PLS3: variants seen among roughly 807,000 people sequenced by gnomAD.
PLS3 encodes the protein plastin 3.
In PLS3, 11 loss-of-function variants were observed where a neutral mutation model predicts 46.5. That is an observed-to-expected ratio of 0.24 (90% CI 0.15 to 0.39). The LOEUF (loss-of-function observed/expected upper bound fraction) is 0.39, where lower values mean the gene tolerates loss of function less well. Ranked by LOEUF, PLS3 falls within the 10% of genes least tolerant of loss-of-function variation. The pLI is 1.00. For missense variants in PLS3, 308 were observed against 461.8 expected, an observed-to-expected ratio of 0.67 and a Z score of 3.05; for synonymous variants, 167 against 162.2, an observed-to-expected ratio of 1.03 and a Z score of -0.22.
At chrX:115,583,872 T>A (rs1288656681) in intron 1 of PLS3, among the ~76,000 whole-genome samples, 1 of 111,597 alleles carries the variant, frequency 9.0e-6, no homozygotes, top group Non-Finnish European at 1.9e-5. Flanking sequence ...TTCTTTTTTT[T>A]TGGGGGAGGG....
In PLS3 at chrX:115,643,306, T is replaced by C. The variant is rs782620916; in HGVS notation, c.988-7T>C. The C allele has an allele frequency of 7.7e-6, 9 of 1,162,893 alleles. No homozygotes were observed. Among genetic ancestry groups the C allele is most frequent in the African/African-American group, 1.8e-5 (1 of 56,632 alleles). ...TTTGACAAAGTCTTCCGATTTTGTT[T>C]CAACAGGAAACAGATGATTTGAAGA... On this transcript the variant is annotated splice_polypyrimidine_tract_variant and splice_region_variant and intron_variant, in intron 9 of 15. Transcript: ENST00000355899.
chrX:115,623,739 G>C lies in PLS3; in HGVS notation c.237+1330G>C, dbSNP rs1323809806. ...AGCGCTCCTATCCTCCTTTGTCATGGTTTATTTTTCCCCAAGACAACTGAA... is the reference window on the plus strand; with the variant it reads ...AGCGCTCCTATCCTCCTTTGTCATGCTTTATTTTTCCCCAAGACAACTGAA... On this transcript the variant is annotated intron_variant, in intron 3 of 15. Coordinates refer to ENST00000355899, the MANE Select transcript of PLS3 (RefSeq NM_005032.7). 2.7e-5 allele frequency among the ~76,000 whole-genome samples: 3 copies of C among 111,038 alleles called. No homozygotes were observed. In the East Asian group the frequency reaches 8.5e-4, roughly 31 times the overall value.
At chrX:115,575,414 G>C (rs1339919277) in intron 1 of PLS3, among the ~76,000 whole-genome samples, 1 of 110,817 alleles carries the variant, frequency 9.0e-6, no homozygotes, top group Non-Finnish European at 1.9e-5. Context: ...CTTTGATTAA[G>C]CACTACCGAT....
intron 2 of PLS3, among the ~76,000 whole-genome samples, chrX:115,618,746 G>T (rs1256488858): frequency 9.0e-6 from 1 of 110,787 alleles, no homozygotes; most frequent in Non-Finnish European, 1.9e-5. Flanking sequence ...AAATACAGAA[G>T]TTGGCCAGGC....
At chrX:115,618,625 G>T (rs2074619549) in intron 2 of PLS3, among the ~76,000 whole-genome samples, 1 of 110,416 alleles carries the variant, frequency 9.1e-6, no homozygotes, top group South Asian at 3.9e-4. Flanking sequence ...GCTGAGCTTG[G>T]TGACTTATGC....
chrX:115,575,545 G>C (rs1235445274), intron 1 of PLS3, among the ~76,000 whole-genome samples: 2 of 111,747 alleles, frequency 1.8e-5, no homozygotes, highest in African/African-American at 6.5e-5. Flanking sequence ...CCGGGTTCAC[G>C]CCATTCTCCT....
chrX:115,580,169 C>A (rs782537700), intron 1 of PLS3, among the ~76,000 whole-genome samples: 1 of 112,295 alleles, frequency 8.9e-6, no homozygotes. Context: ...ATCTTCTGAA[C>A]AGAATCTTTC....
chrX:115,609,715 A>G (rs1045450557), intron 1 of PLS3, among the ~76,000 whole-genome samples: 15 of 112,704 alleles, frequency 1.3e-4, no homozygotes, highest in African/African-American at 4.2e-4. Context: ...TGTGTATATT[A>G]GCACACATGT....
At chrX:115,618,315 T>C (rs1439370449) in intron 2 of PLS3, among the ~76,000 whole-genome samples, 1 of 112,237 alleles carries the variant, frequency 8.9e-6, no homozygotes, top group Non-Finnish European at 1.9e-5. Flanking sequence ...CAGTGGCTCA[T>C]ACCTGTAATC....
At chrX:115,578,367 T>C (rs916373195) in intron 1 of PLS3, among the ~76,000 whole-genome samples, 9 of 111,920 alleles carry the variant, frequency 8.0e-5, no homozygotes, top group African/African-American at 2.6e-4. Flanking sequence ...TCAAACACTC[T>C]AGTGGAGTCA....
At chrX:115,575,923 T>G (rs2074245950) in intron 1 of PLS3, among the ~76,000 whole-genome samples, 1 of 112,127 alleles carries the variant, frequency 8.9e-6, no homozygotes, top group Non-Finnish European at 1.9e-5. Context: ...CAGTTTTGTT[T>G]AATCACATTT....
chrX:115,641,623 A>G (rs2074897369), intron 9 of PLS3, among the ~76,000 whole-genome samples: 1 of 111,151 alleles, frequency 9.0e-6, no homozygotes, highest in Non-Finnish European at 1.9e-5. Context: ...AAAACTCTTC[A>G]GCTCAGGTCA....
chrX:115,601,461 TAAA>T (rs113779727), intron 1 of PLS3, among the ~76,000 whole-genome samples: 3 of 87,791 alleles, frequency 3.4e-5, no homozygotes, highest in African/African-American at 4.1e-5. Flanking sequence ...GCAGATCTGA[TAAA>T]AAAAAAAAAA....
chrX:115,588,006 A>G (rs1383743717), intron 1 of PLS3, among the ~76,000 whole-genome samples: 4 of 112,179 alleles, frequency 3.6e-5, no homozygotes, highest in Non-Finnish European at 7.5e-5. Context: ...TAATGAAAAT[A>G]ATGTGTTAGA....
At chrX:115,647,390 C>T (rs1170567971) in intron 13 of PLS3, among the ~76,000 whole-genome samples, 160 bp from the exon 14 acceptor site, 2 of 112,002 alleles carry the variant, frequency 1.8e-5, no homozygotes, top group African/African-American at 3.2e-5. Flanking sequence ...CAGGAGATTG[C>T]GCCACTGCAC....
chrX:115,603,283 A>AAAAC (rs2074462200), intron 1 of PLS3, among the ~76,000 whole-genome samples: 1 of 111,322 alleles, frequency 9.0e-6, no homozygotes, highest in Non-Finnish European at 1.9e-5. Context: ...CTTTTATGAA[A>AAAAC]AAACAAACAA....
chrX:115,571,857 A>G (rs1321443736), intron 1 of PLS3, among the ~76,000 whole-genome samples: 1 of 112,076 alleles, frequency 8.9e-6, no homozygotes, highest in Non-Finnish European at 1.9e-5. Context: ...TCTAAAACAT[A>G]CTTATGATGC....
chrX:115,610,487 CTTTT>C, intron 2 of PLS3, among the ~76,000 whole-genome samples, 164 bp downstream of exon 2: 1 of 94,107 alleles, frequency 1.1e-5, no homozygotes, highest in East Asian at 3.4e-4. Flanking sequence ...TGTTTTATTT[CTTTT>C]TTTTTTTTTT....
chrX:115,582,398 G>T (rs1386012004), intron 1 of PLS3, among the ~76,000 whole-genome samples: 1 of 112,147 alleles, frequency 8.9e-6, no homozygotes, highest in Non-Finnish European at 1.9e-5. Flanking sequence ...CACCAAACAA[G>T]CAAGATTGGT....
Sources: gnomAD v4.1 joint callset for allele counts (sites outside exome capture counted in the v4.1 genomes callset) on GRCh38, gnomAD v4.1.1 for gene constraint, MANE v1.5 for transcripts, NCBI Gene and HGNC (gene_info 2026-07-23, HGNC 2026-07-21) for gene names.